Variants in ANGPT1 observed in about 807,000 individuals in gnomAD.
ANGPT1 encodes angiopoietin 1.
ANGPT1 carries 17 observed loss-of-function variants against 62.2 expected under a neutral mutation model. The ratio of observed to expected loss-of-function variants is 0.27; its 90% CI spans 0.19 to 0.41. The LOEUF (loss-of-function observed/expected upper bound fraction) is 0.41, where lower values mean the gene tolerates loss of function less well. ANGPT1 is among the 10% of genes least tolerant of loss of function. ANGPT1 has a pLI of 1.00. For missense variants in ANGPT1, 478 were observed against 594.9 expected (o/e 0.80, Z 2.04); for synonymous variants, 199 against 198.9 (o/e 1.00, Z 0.00).
At chr8:107,389,935 T>TAAA (rs375965920) in intron 1 of ANGPT1, among the ~76,000 whole-genome samples, 1 of 135,390 alleles carries the variant, frequency 7.4e-6, no homozygotes, top group East Asian at 2.5e-4. Flanking sequence ...GGTTTCTTCC[T>TAAA]AAAAAAAAAA....
At chr8:107,318,562 T>C (rs1461120520) in intron 4 of ANGPT1, among the ~76,000 whole-genome samples, 1 of 152,228 alleles carries the variant, frequency 6.6e-6, no homozygotes, top group Non-Finnish European at 1.5e-5. Context: ...ATTATTTTAA[T>C]GTTGACTATG....
At chr8:107,268,406 T>TTGTGTG (rs10655133) in intron 7 of ANGPT1, among the ~76,000 whole-genome samples, 3,086 of 144,616 alleles carry the variant, frequency 0.021, 37 homozygotes, top group East Asian at 0.046. Context: ...ACATGTAGGG[T>TTGTGTG]TGTGTGTGTG....
intron 1 of ANGPT1, among the ~76,000 whole-genome samples, chr8:107,438,823 A>G (rs1811399678): frequency 6.6e-6 from 1 of 152,164 alleles, no homozygotes; most frequent in Admixed American, 6.5e-5. Flanking sequence ...ACCAGGGTTT[A>G]GAGAGGGCAG....
At chr8:107,269,002 GACAC>G (rs1261979549) in intron 7 of ANGPT1, among the ~76,000 whole-genome samples, 1 of 152,052 alleles carries the variant, frequency 6.6e-6, no homozygotes, top group Non-Finnish European at 1.5e-5. Flanking sequence ...CTAAGGAAGA[GACAC>G]ACAGTCTCTT....
At chr8:107,481,376 T>G (rs1435005435) in intron 1 of ANGPT1, among the ~76,000 whole-genome samples, 2 of 150,998 alleles carry the variant, frequency 1.3e-5, no homozygotes, top group Non-Finnish European at 3.0e-5. Context: ...CTACTAAAAA[T>G]ACAAAAAATT....
chr8:107,292,162 C>T (rs1319031656), intron 6 of ANGPT1, among the ~76,000 whole-genome samples: 1 of 152,132 alleles, frequency 6.6e-6, no homozygotes, highest in African/African-American at 2.4e-5. Flanking sequence ...TCTACTATCA[C>T]CTACCTCCAT....
intron 1 of ANGPT1, among the ~76,000 whole-genome samples, chr8:107,373,189 TC>T (rs1310393209): frequency 2.0e-5 from 3 of 152,166 alleles, no homozygotes; most frequent in African/African-American, 7.2e-5. Flanking sequence ...CTTCTCCATT[TC>T]CTAACTTTTC....
At chr8:107,404,582 T>C (rs369291187) in intron 1 of ANGPT1, among the ~76,000 whole-genome samples, 9 of 152,226 alleles carry the variant, frequency 5.9e-5, no homozygotes, top group Admixed American at 5.9e-4. Context: ...GCTAAATCTG[T>C]TTAAACATTC....
chr8:107,327,616 G>C (rs1227479380), intron 3 of ANGPT1, among the ~76,000 whole-genome samples: 2 of 151,970 alleles, frequency 1.3e-5, no homozygotes, highest in Non-Finnish European at 2.9e-5. Context: ...TTTAGGATTA[G>C]GGTTCCATGG....
At chr8:107,472,387 T>C (rs184539784) in intron 1 of ANGPT1, among the ~76,000 whole-genome samples, 142 of 152,196 alleles carry the variant, frequency 9.3e-4, no homozygotes, top group East Asian at 1.7e-3. Context: ...TCCTTGGCGA[T>C]AGAGAAGCTA....
chr8:107,332,921 A>C (rs917842659), intron 3 of ANGPT1, among the ~76,000 whole-genome samples: 11 of 152,242 alleles, frequency 7.2e-5, no homozygotes, highest in Non-Finnish European at 1.0e-4. Flanking sequence ...GATTCATATA[A>C]GGAATAACCA....
intron 8 of ANGPT1, among the ~76,000 whole-genome samples, chr8:107,257,753 C>T (rs1351010609): frequency 6.6e-6 from 1 of 151,994 alleles, no homozygotes; most frequent in South Asian, 2.1e-4. Flanking sequence ...GTTGGCCCTA[C>T]GCAAAGCAAG....
At chr8:107,434,026 A>G (rs143309166) in intron 1 of ANGPT1, among the ~76,000 whole-genome samples, 4 of 152,342 alleles carry the variant, frequency 2.6e-5, no homozygotes, top group African/African-American at 9.6e-5. Flanking sequence ...GAGTTTCAAA[A>G]TATCATACTC....
At chr8:107,265,796 A>T (rs1385669758) in intron 7 of ANGPT1, among the ~76,000 whole-genome samples, 1 of 152,208 alleles carries the variant, frequency 6.6e-6, no homozygotes, top group Admixed American at 6.6e-5. Flanking sequence ...ATTATGAAAT[A>T]GAATAATAAA....
intron 1 of ANGPT1, among the ~76,000 whole-genome samples, chr8:107,349,392 T>C (rs2514848): frequency 0.23 from 34,429 of 152,010 alleles, 4,768 homozygotes; most frequent in African/African-American, 0.37. Context: ...ATTGTTACTT[T>C]TGATCAATGT....
rs544451254 is a variant in ANGPT1 at position 107,409,453 on chromosome 8, TC to T, written c.298-62357del. On this transcript the variant is annotated intron_variant, in intron 1 of 8. Transcript: ENST00000517746. Reference sequence around the variant, plus strand: ...GACAGCCTCGCTCCAGGTCCCACAGTCCCCAGGACCCAGGCTCAGTGGCTCT... The same window carrying T: ...GACAGCCTCGCTCCAGGTCCCACAGTCCCAGGACCCAGGCTCAGTGGCTCT... 2.4e-4 allele frequency among the ~76,000 whole-genome samples: 37 copies of T among 152,238 alleles called. No homozygotes were observed. The South Asian group carries it at 7.3e-3, about 30-fold the overall frequency.
chr8:107,332,436 T>G (rs1217378875), intron 3 of ANGPT1, among the ~76,000 whole-genome samples: 2 of 152,174 alleles, frequency 1.3e-5, no homozygotes, highest in Non-Finnish European at 2.9e-5. Flanking sequence ...TCTGGACTGT[T>G]AGGAAAACAA....
intron 6 of ANGPT1, among the ~76,000 whole-genome samples, chr8:107,285,263 T>C (rs1450526883): frequency 6.6e-6 from 1 of 152,158 alleles, no homozygotes; most frequent in African/African-American, 2.4e-5. Context: ...TATTTAACAA[T>C]ATTATTTTTA....
In ANGPT1 at chr8:107,337,866, A is replaced by G. The variant is rs116488155; in HGVS notation, c.454-1595T>C. ...TCCCAACCCTTTGGGAGGCTGTAGC[A>G]GGTGGCTTGCTTGAGCTCAGGAGTT... On this transcript the variant is annotated intron_variant, in intron 2 of 8. Transcript: ENST00000517746. Among the ~76,000 whole-genome samples, 1,357 of 152,180 alleles carry G rather than the reference A, an allele frequency of 8.9e-3. 29 individuals carry two copies. The highest frequency in any genetic ancestry group is 0.031 in the African/African-American group (1,279 of 41,518).
Sources: allele counts gnomAD v4.1 joint callset (sites outside exome capture counted in the v4.1 genomes callset), GRCh38; gene constraint gnomAD v4.1.1; transcripts MANE v1.5; gene names NCBI Gene and HGNC (gene_info 2026-07-23, HGNC 2026-07-21).